WDR31: variants seen among roughly 807,000 people sequenced by gnomAD.
The protein encoded by WDR31 is WD repeat domain 31.
WDR31 carries 30 observed loss-of-function variants against 47.3 expected under a neutral mutation model. The ratio of observed to expected loss-of-function variants is 0.63; its 90% CI spans 0.47 to 0.86. The LOEUF (loss-of-function observed/expected upper bound fraction) is 0.86. Ranked by LOEUF, WDR31 falls within the 40% of genes least tolerant of loss-of-function variation. The pLI is 0.00. For missense variants in WDR31, 406 were observed against 442.9 expected (o/e 0.92, Z 0.75); for synonymous variants, 137 against 159.4 (o/e 0.86, Z 1.06).
At chr9:113,336,119 C>A (rs757185684) in intron 2 of WDR31, among the ~76,000 whole-genome samples, 169 bp downstream of exon 2, 2 of 152,164 alleles carry the variant, frequency 1.3e-5, no homozygotes, top group African/African-American at 2.4e-5. Flanking sequence ...ACATTGTCAT[C>A]AAACCAATGA....
chr9:113,337,580 C>T (rs1360747481), intron 1 of WDR31, among the ~76,000 whole-genome samples: 1 of 151,792 alleles, frequency 6.6e-6, no homozygotes, highest in Non-Finnish European at 1.5e-5. Context: ...ATTCTCCTGC[C>T]TCAGCCTCCT....
At position 113,328,994 on chromosome 9, in the gene WDR31, T is replaced by C. The variant is rs573024375; in HGVS notation, c.250-39A>G. The C allele has an allele frequency of 4.5e-6, 7 of 1,563,134 alleles. No individual in the cohort carries two copies. In the African/African-American group the frequency reaches 9.5e-5, roughly 21 times the overall value. On this transcript the variant is annotated intron_variant, in intron 4 of 10. Transcript: ENST00000374193. ...AGATTGTAGTTTCATTACTCAATTC[T>C]TGTTAAAGTGACACTAGCCTCTACT...
At position 113,322,329 on chromosome 9, in the gene WDR31, C is replaced by T. The variant is rs117504006; in HGVS notation, c.570+482G>A. On this transcript the variant is annotated intron_variant, in intron 7 of 10. Coordinates refer to ENST00000374193, the MANE Select transcript of WDR31 (RefSeq NM_001012361.4). ...ATGATTTTAACCTGAGTATAACTGA[C>T]TCCAAAGGCTCTCCAATTTATACCA... Among the ~76,000 whole-genome samples the T allele has an allele frequency of 9.3e-4, 142 of 152,194 alleles. No homozygotes were observed. The East Asian group carries it at 0.026, about 28-fold the overall frequency.
chr9:113,332,557 A>G (rs1329346681), intron 2 of WDR31, among the ~76,000 whole-genome samples: 1 of 152,246 alleles, frequency 6.6e-6, no homozygotes, highest in Non-Finnish European at 1.5e-5. Flanking sequence ...AAGGCTACAC[A>G]GTTCATATTC....
intron 10 of WDR31, 120 bp from the exon 11 acceptor site, chr9:113,317,029 G>C: frequency 8.4e-7 from 1 of 1,186,128 alleles, no homozygotes; most frequent in Non-Finnish European, 1.1e-6. Flanking sequence ...CCGTATGAGA[G>C]AGACCCCACT....
chr9:113,327,152 TTTC>T (rs377513367), intron 5 of WDR31, among the ~76,000 whole-genome samples: 71 of 152,334 alleles, frequency 4.7e-4, no homozygotes, highest in African/African-American at 1.6e-3. Context: ...ATTTTTTCAA[TTTC>T]TTGTTTCATA....
chr9:113,329,051 C>T (rs1833537109), intron 4 of WDR31, 96 bp from the exon 5 acceptor site: 2 of 1,150,666 alleles, frequency 1.7e-6, no homozygotes, highest in East Asian at 2.4e-5. Context: ...CCTCCTCACT[C>T]ACTCCCTCTC....
rs1007606198 is a variant in WDR31, at chr9:113,315,609, G to A, written c.*1140C>T. 1 of 152,192 alleles carries A rather than the reference G, an allele frequency of 6.6e-6. No individual in the cohort carries two copies. Among genetic ancestry groups the A allele is most frequent in the Non-Finnish European group, 1.5e-5 (1 of 68,084 alleles). The allele number at this position is 152,192 out of a possible 1,614,324, so 9.4% of individuals were successfully genotyped here. The stretch of plus-strand genomic sequence containing the variant: ...CACCTTGCCCCTCCTCACTGAAGGG[G>A]GCTTAATGTCTGGGGCACAGTTGAC... On this transcript the variant is annotated 3_prime_UTR_variant, in exon 11 of 11. Transcript: ENST00000374193.
In WDR31 at chr9:113,315,363, GA is replaced by G. The variant is rs1485874652; in HGVS notation, c.*1385del. ...GTGGCTGTCAGTCACTGGTATCAGA[GA>G]CAAGCAGAGGACAGAGAAGACAAAT... On this transcript the variant is annotated 3_prime_UTR_variant, in exon 11 of 11. Coordinates refer to ENST00000374193, the MANE Select transcript of WDR31 (RefSeq NM_001012361.4). The G allele has an allele frequency of 6.6e-6, 1 of 152,084 alleles. No homozygotes were observed. The highest frequency in any genetic ancestry group is 2.4e-5 in the African/African-American group (1 of 41,370). The allele number at this position is 152,084 out of a possible 1,614,324, so 9.4% of individuals were successfully genotyped here. A position where few individuals can be genotyped will look rare whatever the true frequency, so the allele number is the denominator to read the frequency against.
At chr9:113,337,398 C>T (rs1272187650) in intron 1 of WDR31, among the ~76,000 whole-genome samples, 1 of 151,944 alleles carries the variant, frequency 6.6e-6, no homozygotes, top group Non-Finnish European at 1.5e-5. Flanking sequence ...CCAAAATGAT[C>T]CAAAATCTAA....
At chr9:113,336,088 G>C (rs1053352664) in intron 2 of WDR31, among the ~76,000 whole-genome samples, 200 bp downstream of exon 2, 1 of 152,196 alleles carries the variant, frequency 6.6e-6, no homozygotes, top group Non-Finnish European at 1.5e-5. Context: ...CTTCTTATCT[G>C]CCAGCCTAAC....
In WDR31 at chr9:113,314,223, A is replaced by T. The variant is rs1374420175; in HGVS notation, c.*2526T>A. The T allele has an allele frequency of 1.2e-4, 17 of 142,040 alleles. No individual in the cohort carries two copies. Among genetic ancestry groups the T allele is most frequent in the African/African-American group, 4.4e-4 (17 of 38,710 alleles). 8.8% of individuals were successfully genotyped at this position (142,040 alleles called of 1,614,324 possible). On this transcript the variant is annotated 3_prime_UTR_variant, in exon 11 of 11. Transcript: ENST00000374193. ...CGTTTATTTTATTTTATTTTATTTT[A>T]TTTTATTTTGAGATAGAGTCTCTCT... is the stretch of plus-strand genomic sequence containing the variant.
rs191027856 is a variant in WDR31, at chr9:113,332,550, G to C, written c.-28-500C>G. On this transcript the variant is annotated intron_variant, in intron 2 of 10. Coordinates refer to ENST00000374193, the MANE Select transcript of WDR31 (RefSeq NM_001012361.4). ...AAGCAAAAGAAGCCAGACATGAAAG[G>C]CTACACAGTTCATATTCTATGTATG... Among the ~76,000 whole-genome samples, 10 of 152,280 alleles carry C rather than the reference G, an allele frequency of 6.6e-5. No individual in the cohort carries two copies. In the East Asian group the frequency reaches 7.7e-4, roughly 12 times the overall value.
chr9:113,326,767 C>T (rs756699739), intron 5 of WDR31, among the ~76,000 whole-genome samples: 5 of 152,044 alleles, frequency 3.3e-5, no homozygotes, highest in Non-Finnish European at 7.4e-5. Flanking sequence ...AGCTACCCTG[C>T]CTGGCCAATT....
At chr9:113,327,379 G>A (rs1241013458) in intron 5 of WDR31, among the ~76,000 whole-genome samples, 2 of 151,898 alleles carry the variant, frequency 1.3e-5, no homozygotes, top group African/African-American at 4.8e-5. Context: ...ATTTTTGGCA[G>A]TAAATCCAAT....
intron 10 of WDR31, 117 bp downstream of exon 10, chr9:113,318,358 T>G (rs1833253160): frequency 8.4e-7 from 1 of 1,194,544 alleles, no homozygotes; most frequent in Admixed American, 1.8e-5. Context: ...AGCATGAGAC[T>G]GGACAGTGGC....
At chr9:113,324,828 A>ATATATGTG (rs1215834432) in intron 5 of WDR31, among the ~76,000 whole-genome samples, 2 of 138,108 alleles carry the variant, frequency 1.4e-5, no homozygotes, top group Non-Finnish European at 3.1e-5. Flanking sequence ...ATATATATAT[A>ATATATGTG]TGTGTGTGTG....
chr9:113,330,788 CA>C (rs567219328), intron 4 of WDR31, among the ~76,000 whole-genome samples, 195 bp downstream of exon 4: 1 of 152,064 alleles, frequency 6.6e-6, no homozygotes, highest in Non-Finnish European at 1.5e-5. Context: ...GACTGAAACT[CA>C]AAAAAATTTA....
At chr9:113,330,349 C>G (rs1309627867) in intron 4 of WDR31, among the ~76,000 whole-genome samples, 1 of 152,200 alleles carries the variant, frequency 6.6e-6, no homozygotes, top group Admixed American at 6.5e-5. Context: ...GATCCGCCTG[C>G]CTTGGCCTCC....
Sources: allele counts gnomAD v4.1 joint callset (sites outside exome capture counted in the v4.1 genomes callset), GRCh38; gene constraint gnomAD v4.1.1; transcripts MANE v1.5; gene names NCBI Gene and HGNC (gene_info 2026-07-23, HGNC 2026-07-21).